Variants in CPS1 observed in about 807,000 individuals in gnomAD.
CPS1 encodes the protein carbamoyl-phosphate synthase [ammonia], mitochondrial.
Under a neutral mutation model 174.6 loss-of-function variants are expected in CPS1, and 109 were observed. The ratio of observed to expected loss-of-function variants is 0.62; its 90% CI spans 0.53 to 0.73. The LOEUF (loss-of-function observed/expected upper bound fraction) is 0.73, where lower values mean the gene tolerates loss of function less well. Among genes scored for constraint, CPS1 ranks in the 30% least tolerant of loss-of-function variants. The pLI, the probability that CPS1 is intolerant of heterozygous loss-of-function variation, is 0.00. For missense variants in CPS1, 1,689 were observed against 1,821.9 expected (o/e 0.93, Z 1.33); for synonymous variants, 637 against 632.0 (o/e 1.01, Z -0.12).
At chr2:210,522,255 A>T (rs1559060638) in intron 1 of CPS1, among the ~76,000 whole-genome samples, 13 of 151,972 alleles carry the variant, frequency 8.6e-5, no homozygotes, top group African/African-American at 2.4e-5. Flanking sequence ...ATTTTCTGCC[A>T]GTCAGTGTTT....
intron 20 of CPS1, among the ~76,000 whole-genome samples, chr2:210,613,725 T>C (rs1431674147): frequency 6.6e-6 from 1 of 151,956 alleles, no homozygotes; most frequent in Non-Finnish European, 1.5e-5. Flanking sequence ...CAAGCAAATC[T>C]CTCATTCTTT....
chr2:210,516,645 T>C (rs1695690873), intron 1 of CPS1, among the ~76,000 whole-genome samples: 1 of 151,934 alleles, frequency 6.6e-6, no homozygotes, highest in African/African-American at 2.4e-5. Context: ...ATTAAGCACA[T>C]GATGATTTGA....
At chr2:210,498,332 GT>G (rs1695056806) in intron 1 of CPS1, among the ~76,000 whole-genome samples, 1 of 152,004 alleles carries the variant, frequency 6.6e-6, no homozygotes, top group Non-Finnish European at 1.5e-5. Context: ...TTTGAGCAGT[GT>G]TTTGTAGTAG....
At chr2:210,603,742 C>T (rs1698805923) in intron 16 of CPS1, among the ~76,000 whole-genome samples, 1 of 151,480 alleles carries the variant, frequency 6.6e-6, no homozygotes, top group Admixed American at 6.6e-5. Flanking sequence ...TCAATAGTCC[C>T]TTAAATGGTT....
chr2:210,512,817 GAGAT>G (rs1380467019), intron 1 of CPS1, among the ~76,000 whole-genome samples: 1 of 117,986 alleles, frequency 8.5e-6, no homozygotes, highest in African/African-American at 3.4e-5. Context: ...TGGAGAGAGA[GAGAT>G]ATATATATGG....
chr2:210,671,368 C>A (rs1473655327), intron 34 of CPS1, among the ~76,000 whole-genome samples: 1 of 152,160 alleles, frequency 6.6e-6, no homozygotes, highest in Non-Finnish European at 1.5e-5. Context: ...ATCCAGAGGT[C>A]CCCGTAGAAT....
intron 1 of CPS1, among the ~76,000 whole-genome samples, chr2:210,486,753 G>A (rs941074867): frequency 5.3e-5 from 8 of 152,098 alleles, no homozygotes; most frequent in African/African-American, 1.4e-4. Flanking sequence ...CAGGTGATCC[G>A]CTCGCCTTGG....
chr2:210,595,639 G>C, intron 13 of CPS1, 57 bp downstream of exon 13: 1 of 1,176,840 alleles, frequency 8.5e-7, no homozygotes, highest in Non-Finnish European at 1.3e-6. Flanking sequence ...AGTCTAATTA[G>C]TATTTTATAA....
rs1322138135 is a variant in CPS1 at position 210,513,089 on chromosome 2, GATAC to G, written c.3+35327_3+35330del. Among the ~76,000 whole-genome samples the G allele has an allele frequency of 2.3e-5, 3 of 132,956 alleles. 1 individual carries two copies. The highest frequency in any genetic ancestry group is 5.5e-5 in the African/African-American group (2 of 36,582). The allele number at this position is 132,956 out of a possible 152,430, so 87.2% of individuals were successfully genotyped here. On this transcript the variant is annotated intron_variant, in intron 1 of 38. Coordinates refer to the CPS1 transcript ENST00000430249. ...ATATATGTGGAGATATATATATGGA[GATAC>G]ATATATATGGGGATATATATATGGA...
intron 1 of CPS1, among the ~76,000 whole-genome samples, chr2:210,524,824 T>G (rs1315812061): frequency 6.6e-6 from 1 of 151,994 alleles, no homozygotes; most frequent in East Asian, 1.9e-4. Flanking sequence ...AAGGCTTTAT[T>G]TTTTGGCTGT....
At chr2:210,593,692 A>G (rs778902451) in intron 11 of CPS1, 81 of 978,980 alleles carry the variant, frequency 8.3e-5, no homozygotes, top group Non-Finnish European at 9.1e-5. Flanking sequence ...GGGGAAGAGA[A>G]TAAGAGCTTT....
intron 4 of CPS1, among the ~76,000 whole-genome samples, chr2:210,578,701 G>A (rs1211787132): frequency 6.6e-6 from 1 of 152,060 alleles, no homozygotes; most frequent in East Asian, 1.9e-4. Context: ...GGAGAAGAAG[G>A]CATCCATATC....
chr2:210,489,694 G>A (rs552129494), intron 1 of CPS1, among the ~76,000 whole-genome samples: 1 of 152,144 alleles, frequency 6.6e-6, no homozygotes, highest in East Asian at 1.9e-4. Flanking sequence ...CAAGCTGTGG[G>A]ACTTCAATCA....
rs931995882 is a variant in CPS1 at position 210,674,495 on chromosome 2, A to G, written c.4102-407A>G. ...TCAAAAAAAAAAACCAAAAAAAAAA[A>G]AAAGAAATAAGAGCAGGTTGAATAG... On this transcript the variant is annotated intron_variant, in intron 34 of 37. Transcript: ENST00000233072. 50 of 163,600 alleles carry G rather than the reference A, an allele frequency of 3.1e-4. 1 individual carries two copies. In the Middle Eastern group the frequency reaches 0.012, roughly 40 times the overall value. 10.1% of individuals were successfully genotyped at this position (163,600 alleles called of 1,614,324 possible).
chr2:210,634,031 G>C (rs1234957628), intron 21 of CPS1, among the ~76,000 whole-genome samples: 1 of 152,136 alleles, frequency 6.6e-6, no homozygotes, highest in Non-Finnish European at 1.5e-5. Flanking sequence ...CCACCGAAAG[G>C]CTGAGTGCAT....
chr2:210,555,697 T>C (rs1057439783), upstream of CPS1: 1 of 455,422 alleles, frequency 2.2e-6, no homozygotes, highest in Non-Finnish European at 4.4e-6. Flanking sequence ...TTTGCAAGGG[T>C]ATCAAAGAAC....
chr2:210,570,019 TG>T, intron 1 of CPS1, among the ~76,000 whole-genome samples: 1 of 151,968 alleles, frequency 6.6e-6, no homozygotes, highest in Admixed American at 6.6e-5. Flanking sequence ...AAATAGCATT[TG>T]GGGAACTGTT....
At chr2:210,522,320 A>G (rs1342323314) in intron 1 of CPS1, among the ~76,000 whole-genome samples, 2 of 152,008 alleles carry the variant, frequency 1.3e-5, no homozygotes, top group Non-Finnish European at 2.9e-5. Flanking sequence ...AGTTTTGATA[A>G]AGTCCAATTT....
rs185691971 is a variant in CPS1, at chr2:210,498,879, T to A, written c.3+21113T>A. ...GCTGGCAAGCCAGGATAACAGGTAC[T>A]CTTACTGCTTGGAGATATGCCTGTG... On this transcript the variant is annotated intron_variant, in intron 1 of 38. Transcript: ENST00000430249. Among the ~76,000 whole-genome samples the A allele has an allele frequency of 3.9e-5, 6 of 152,202 alleles. No individual in the cohort carries two copies. The East Asian group carries it at 1.2e-3, about 30-fold the overall frequency.
Sources: gnomAD v4.1 joint callset for allele counts (sites outside exome capture counted in the v4.1 genomes callset) on GRCh38, gnomAD v4.1.1 for gene constraint, MANE v1.5 for transcripts, NCBI Gene and HGNC (gene_info 2026-07-23, HGNC 2026-07-21) for gene names.